Variants in ADGRB3 observed in about 807,000 individuals in gnomAD.
The protein encoded by ADGRB3 is adhesion G protein-coupled receptor B3, also known as brain-specific angiogenesis inhibitor 3.
Under a neutral mutation model 193.4 loss-of-function variants are expected in ADGRB3, and 37 were observed. The ratio of observed to expected loss-of-function variants is 0.19; its 90% CI spans 0.15 to 0.25. The LOEUF (loss-of-function observed/expected upper bound fraction) is 0.25, where lower values mean the gene tolerates loss of function less well. Among genes scored for constraint, ADGRB3 ranks in the 10% least tolerant of loss-of-function variants. The pLI, the probability that ADGRB3 is intolerant of heterozygous loss-of-function variation, is 1.00. For synonymous variants in ADGRB3, 690 were observed against 644.2 expected, an observed-to-expected ratio of 1.07 and a Z score of -1.08; for missense variants, 1,637 against 1,852.9, an observed-to-expected ratio of 0.88 and a Z score of 2.14.
intron 3 of ADGRB3, among the ~76,000 whole-genome samples, chr6:68,769,782 T>G (rs2127355431): frequency 6.6e-6 from 1 of 152,244 alleles, no homozygotes; most frequent in South Asian, 2.1e-4. Flanking sequence ...AACGAAGTTC[T>G]GAGAGAAAAA....
At chr6:68,726,444 C>T (rs1163199357) in intron 3 of ADGRB3, among the ~76,000 whole-genome samples, 1 of 151,558 alleles carries the variant, frequency 6.6e-6, no homozygotes, top group African/African-American at 2.4e-5. Context: ...AGATAGAGGT[C>T]ATTTCTATGC....
chr6:69,084,380 C>T (rs1772487821), intron 17 of ADGRB3, among the ~76,000 whole-genome samples: 1 of 151,978 alleles, frequency 6.6e-6, no homozygotes, highest in Non-Finnish European at 1.5e-5. Flanking sequence ...AGCAAACTAC[C>T]AAATGTGTAG....
intron 13 of ADGRB3, among the ~76,000 whole-genome samples, chr6:69,044,024 G>A (rs929687228): frequency 6.6e-6 from 1 of 152,126 alleles, no homozygotes. Flanking sequence ...CTGGGCGACA[G>A]AGCGAGACTC....
intron 3 of ADGRB3, among the ~76,000 whole-genome samples, chr6:68,923,281 T>G (rs1029462640): frequency 2.0e-5 from 3 of 152,110 alleles, no homozygotes; most frequent in Non-Finnish European, 4.4e-5. Flanking sequence ...ATAGGTAAAG[T>G]AAAAATATGT....
chr6:69,117,079 A>G (rs1217263087), intron 17 of ADGRB3, among the ~76,000 whole-genome samples: 1 of 152,212 alleles, frequency 6.6e-6, no homozygotes, highest in Non-Finnish European at 1.5e-5. Context: ...AAAAATTAGG[A>G]AAAAAAGATA....
chr6:68,654,891 A>C (rs985863231), intron 3 of ADGRB3, among the ~76,000 whole-genome samples: 2 of 151,844 alleles, frequency 1.3e-5, no homozygotes, highest in Non-Finnish European at 2.9e-5. Context: ...TATTCTACGA[A>C]TCTTTCTGCA....
intron 3 of ADGRB3, among the ~76,000 whole-genome samples, chr6:68,778,564 A>G (rs192816658): frequency 1.3e-5 from 2 of 152,268 alleles, no homozygotes; most frequent in East Asian, 3.9e-4. Context: ...CATGTAGCAC[A>G]GACTTGTTAG....
intron 6 of ADGRB3, among the ~76,000 whole-genome samples, chr6:68,946,457 C>T (rs566302691): frequency 3.3e-5 from 5 of 152,238 alleles, no homozygotes; most frequent in African/African-American, 1.2e-4. Flanking sequence ...GTTGAATGCA[C>T]TTCTGAAAAC....
rs541797742 is a variant in ADGRB3 at position 68,801,279 on chromosome 6, G to A, written c.758-129280G>A. Among the ~76,000 whole-genome samples, 19 of 152,242 alleles carry A rather than the reference G, an allele frequency of 1.2e-4. 1 individual carries two copies. Among genetic ancestry groups the A allele is most frequent in the Non-Finnish European group, 2.5e-4 (17 of 68,018 alleles). On this transcript the variant is annotated intron_variant, in intron 3 of 31. Coordinates refer to ENST00000370598, the MANE Select transcript of ADGRB3 (RefSeq NM_001704.3). Reference sequence around the variant, plus strand: ...CATCCTTTACTCTTAGAGGCTGTAAGTATCTCTTTCATTCAGTTTGGGATT... The same window carrying A: ...CATCCTTTACTCTTAGAGGCTGTAAATATCTCTTTCATTCAGTTTGGGATT...
chr6:68,942,058 CA>C (rs1197257749), intron 5 of ADGRB3, among the ~76,000 whole-genome samples: 4 of 151,642 alleles, frequency 2.6e-5, no homozygotes, highest in South Asian at 4.2e-4. Flanking sequence ...TATTTCCCAA[CA>C]AGGTTCTCAG....
chr6:68,697,429 TA>T (rs887562216), intron 3 of ADGRB3, among the ~76,000 whole-genome samples: 4 of 151,906 alleles, frequency 2.6e-5, no homozygotes, highest in Admixed American at 1.3e-4. Context: ...CTTGTTCTTT[TA>T]AAAAAAATAC....
At chr6:69,233,178 G>A (rs773931785) in intron 17 of ADGRB3, 112 bp from the exon 18 acceptor site, 1 of 1,388,022 alleles carries the variant, frequency 7.2e-7, no homozygotes, top group Admixed American at 2.3e-5. Flanking sequence ...TTTTTTTCCT[G>A]TACAGGAATT....
At chr6:68,750,804 A>G (rs1766183608) in intron 3 of ADGRB3, among the ~76,000 whole-genome samples, 1 of 152,206 alleles carries the variant, frequency 6.6e-6, no homozygotes, top group African/African-American at 2.4e-5. Flanking sequence ...AAAGCACATA[A>G]CCAAATATTA....
intron 3 of ADGRB3, among the ~76,000 whole-genome samples, chr6:68,851,210 T>C (rs1768393011): frequency 6.6e-6 from 1 of 151,896 alleles, no homozygotes; most frequent in South Asian, 2.1e-4. Context: ...GCTGCATGCA[T>C]ATTTTCTTTC....
intron 3 of ADGRB3, among the ~76,000 whole-genome samples, chr6:68,845,267 G>A (rs1269381729): frequency 6.6e-6 from 1 of 152,102 alleles, no homozygotes. Flanking sequence ...TAAAAAGAAA[G>A]AGTGGAAGAC....
At chr6:69,142,220 A>G (rs1287212292) in intron 17 of ADGRB3, among the ~76,000 whole-genome samples, 1 of 152,072 alleles carries the variant, frequency 6.6e-6, no homozygotes, top group Non-Finnish European at 1.5e-5. Context: ...CTTTAGTTAG[A>G]GTACGTTCCA....
At chr6:69,063,065 G>A in intron 16 of ADGRB3, 29 bp downstream of exon 16, 1 of 1,506,366 alleles carries the variant, frequency 6.6e-7, no homozygotes, top group Non-Finnish European at 9.2e-7. Context: ...GCACTGACTT[G>A]CTTATGGAAT....
chr6:68,990,351 C>A (rs868719396), intron 10 of ADGRB3, among the ~76,000 whole-genome samples: 1 of 152,022 alleles, frequency 6.6e-6, no homozygotes, highest in Non-Finnish European at 1.5e-5. Context: ...ATAAAGACAA[C>A]GAATAGTCTC....
chr6:69,371,507 T>C (rs912810030), intron 29 of ADGRB3, among the ~76,000 whole-genome samples: 3 of 152,076 alleles, frequency 2.0e-5, no homozygotes, highest in Non-Finnish European at 4.4e-5. Context: ...GAATATTACA[T>C]GCTTTAATTG....
Sources: gnomAD v4.1 joint callset for allele counts (sites outside exome capture counted in the v4.1 genomes callset) on GRCh38, gnomAD v4.1.1 for gene constraint, MANE v1.5 for transcripts, NCBI Gene and HGNC (gene_info 2026-07-23, HGNC 2026-07-21) for gene names.